PRKCA: variants seen among roughly 807,000 people sequenced by gnomAD.
The protein encoded by PRKCA is protein kinase C alpha, also known as protein kinase C alpha type.
A neutral mutation model predicts 87.0 loss-of-function variants in PRKCA; 27 were observed. That is an observed-to-expected ratio of 0.31 (90% CI 0.23 to 0.43). PRKCA has a LOEUF of 0.43. Ranked by LOEUF, PRKCA falls within the 20% of genes least tolerant of loss-of-function variation. The pLI is 1.00. For missense variants in PRKCA, 518 were observed against 852.3 expected (o/e 0.61, Z 4.88); for synonymous variants, 329 against 311.1 (o/e 1.06, Z -0.61).
intron 3 of PRKCA, among the ~76,000 whole-genome samples, chr17:66,561,833 A>G (rs144331584): frequency 6.6e-6 from 1 of 152,112 alleles, no homozygotes; most frequent in Non-Finnish European, 1.5e-5. Flanking sequence ...AAACGATTAT[A>G]TGAGGTACTT....
At chr17:66,567,134 G>C (rs2143360249) in intron 3 of PRKCA, among the ~76,000 whole-genome samples, 2 of 152,308 alleles carry the variant, frequency 1.3e-5, no homozygotes, top group South Asian at 4.1e-4. Context: ...AAGGGAAAGG[G>C]AGGTTTTATA....
intron 2 of PRKCA, among the ~76,000 whole-genome samples, chr17:66,355,471 T>A (rs1241885221): frequency 6.6e-6 from 1 of 152,222 alleles, no homozygotes; most frequent in Non-Finnish European, 1.5e-5. Flanking sequence ...CCATTAAATT[T>A]CAGTCTAGTG....
intron 2 of PRKCA, among the ~76,000 whole-genome samples, chr17:66,356,491 C>T (rs891688264): frequency 9.2e-5 from 14 of 152,074 alleles, no homozygotes; most frequent in East Asian, 5.9e-4. Flanking sequence ...AAAAATTAGC[C>T]GGGCGTGGTG....
chr17:66,377,255 C>G (rs1054255582), intron 2 of PRKCA, among the ~76,000 whole-genome samples: 2 of 152,024 alleles, frequency 1.3e-5, no homozygotes, highest in South Asian at 4.1e-4. Flanking sequence ...GAACTCTTGA[C>G]CTCAGGTGAT....
intron 3 of PRKCA, among the ~76,000 whole-genome samples, chr17:66,527,783 AC>A (rs1442631041): frequency 1.3e-5 from 2 of 152,198 alleles, no homozygotes; most frequent in Non-Finnish European, 2.9e-5. Context: ...GTATTTTTCC[AC>A]CCCCTTAAAA....
At chr17:66,625,381 T>G (rs1367621393) in intron 3 of PRKCA, among the ~76,000 whole-genome samples, 2 of 152,212 alleles carry the variant, frequency 1.3e-5, no homozygotes, top group African/African-American at 4.8e-5. Context: ...ACAACAGGGT[T>G]CCTCTCTACT....
At chr17:66,673,325 C>T (rs1216331309) in intron 5 of PRKCA, among the ~76,000 whole-genome samples, 1 of 152,150 alleles carries the variant, frequency 6.6e-6, no homozygotes, top group Non-Finnish European at 1.5e-5. Flanking sequence ...TTTTCTGGTA[C>T]GTGAATGGGA....
intron 3 of PRKCA, among the ~76,000 whole-genome samples, chr17:66,628,029 C>T (rs1193988322): frequency 6.6e-6 from 1 of 152,178 alleles, no homozygotes; most frequent in Non-Finnish European, 1.5e-5. Context: ...ATGCCCAAGC[C>T]TAACAAAAAC....
chr17:66,713,692 G>T (rs1232188846), intron 8 of PRKCA, among the ~76,000 whole-genome samples: 3 of 152,176 alleles, frequency 2.0e-5, no homozygotes, highest in Non-Finnish European at 4.4e-5. Flanking sequence ...GCCACCGCTC[G>T]CTCACACCTC....
chr17:66,397,748 G>A (rs1225294395), intron 2 of PRKCA, among the ~76,000 whole-genome samples: 1 of 152,036 alleles, frequency 6.6e-6, no homozygotes, highest in African/African-American at 2.4e-5. Context: ...TGTGTCATGG[G>A]GGGTGTGAGC....
At chr17:66,620,934 G>T (rs1453409484) in intron 3 of PRKCA, among the ~76,000 whole-genome samples, 1 of 152,198 alleles carries the variant, frequency 6.6e-6, no homozygotes, top group East Asian at 1.9e-4. Flanking sequence ...GTTCCATGAT[G>T]AAGTTGTCCC....
intron 13 of PRKCA, among the ~76,000 whole-genome samples, chr17:66,745,295 G>A (rs1974246624): frequency 6.6e-6 from 1 of 152,202 alleles, no homozygotes; most frequent in Admixed American, 6.5e-5. Context: ...TTTCACATCT[G>A]AAGCCTTCAT....
chr17:66,506,098 C>T (rs1363201035), intron 3 of PRKCA, among the ~76,000 whole-genome samples: 1 of 152,112 alleles, frequency 6.6e-6, no homozygotes, highest in East Asian at 1.9e-4. Context: ...GGGTTTGAGA[C>T]CAGCCTGGCC....
intron 5 of PRKCA, among the ~76,000 whole-genome samples, chr17:66,648,725 C>T (rs1240034567): frequency 6.6e-6 from 1 of 152,104 alleles, no homozygotes; most frequent in Non-Finnish European, 1.5e-5. Flanking sequence ...ACAGAGTTCT[C>T]GTACACCCTT....
At chr17:66,364,102 G>A (rs1598617106) in intron 2 of PRKCA, 1 of 152,934 alleles carries the variant, frequency 6.5e-6, no homozygotes, top group East Asian at 1.9e-4. Flanking sequence ...TTGAGCTCAG[G>A]AGCACTGAGC....
At chr17:66,782,155 G>A (rs1975251990) in intron 14 of PRKCA, among the ~76,000 whole-genome samples, 1 of 151,886 alleles carries the variant, frequency 6.6e-6, no homozygotes, top group Admixed American at 6.6e-5. Flanking sequence ...CTTGTGATCT[G>A]CCCACCTCGG....
chr17:66,773,835 G>A, intron 13 of PRKCA, 152 bp from the exon 14 acceptor site: 1 of 1,296,352 alleles, frequency 7.7e-7, no homozygotes, highest in Admixed American at 2.3e-5. Context: ...TGATTTGAAG[G>A]GTCCTCTTCC....
chr17:66,603,127 C>G (rs904700354), intron 3 of PRKCA, among the ~76,000 whole-genome samples: 3 of 152,218 alleles, frequency 2.0e-5, no homozygotes, highest in Admixed American at 6.5e-5. Context: ...CTCCTCCTTC[C>G]TGCCCTGGAT....
intron 5 of PRKCA, among the ~76,000 whole-genome samples, chr17:66,658,867 T>C (rs16959879): frequency 0.57 from 87,265 of 151,980 alleles, 25,385 homozygotes; most frequent in African/African-American, 0.69. Context: ...ACCAAGAAAA[T>C]CTAACCCCAG....
Sources: allele counts gnomAD v4.1 joint callset (sites outside exome capture counted in the v4.1 genomes callset), GRCh38; gene constraint gnomAD v4.1.1; transcripts MANE v1.5; gene names NCBI Gene and HGNC (gene_info 2026-07-23, HGNC 2026-07-21).